ZNF695: variants seen among roughly 807,000 people sequenced by gnomAD.
The protein encoded by ZNF695 is zinc finger protein 695.
Under a neutral mutation model 11.2 loss-of-function variants are expected in ZNF695, and 11 were observed. The observed-to-expected ratio is 0.98, with a 90% CI of 0.62 to 1.62. ZNF695 has a LOEUF of 1.62. Ranked by LOEUF, ZNF695 falls within the 40% of genes most tolerant of loss-of-function variation. The pLI, the probability that ZNF695 is intolerant of heterozygous loss-of-function variation, is 0.00. For missense variants in ZNF695, 559 were observed against 590.5 expected, an observed-to-expected ratio of 0.95 and a Z score of 0.55; for synonymous variants, 190 against 201.4, an observed-to-expected ratio of 0.94 and a Z score of 0.48.
chr1:247,007,979 A>G lies in ZNF695; in HGVS notation c.-71T>C. On this transcript the variant is annotated 5_prime_UTR_variant, in exon 1 of 4. Transcript: ENST00000339986. Reference sequence around the variant, plus strand: ...ATACCTGCAGGCCACAGGGCGATGGAGCCTGCGGCAGTCACCCGGGACTCT... The same window carrying G: ...ATACCTGCAGGCCACAGGGCGATGGGGCCTGCGGCAGTCACCCGGGACTCT... 1 of 1,417,692 alleles carries G rather than the reference A, an allele frequency of 7.1e-7. No homozygotes were observed. Among genetic ancestry groups the G allele is most frequent in the South Asian group, 1.6e-5 (1 of 61,440 alleles). The allele number at this position is 1,417,692 out of a possible 1,614,324, so 87.8% of individuals were successfully genotyped here. A position where few individuals can be genotyped will look rare whatever the true frequency, so the allele number is the denominator to read the frequency against.
chr1:246,987,352 G>A lies in ZNF695; in HGVS notation c.1163C>T (p.Ala388Val), dbSNP rs1165915424. 2 of 1,613,854 alleles carry A rather than the reference G, an allele frequency of 1.2e-6. No homozygotes were observed. The highest frequency in any genetic ancestry group is 1.1e-5 in the South Asian group (1 of 91,044). Residue 388 changes from alanine to valine, a missense_variant, in exon 4 of 4, where the codon GCT (alanine) becomes GTT (valine). Coordinates refer to ENST00000339986, the MANE Select transcript of ZNF695 (RefSeq NM_020394.5). ...AATAAGGTATGAGAACCAGGTAAAA[G>A]CTTTGCCACATTCCTCACATTTGTA... Reference protein sequence around the residue: ...KPYKCEECGKAFTWFSYLIQH... With the variant: ...KPYKCEECGKVFTWFSYLIQH...
chr1:246,952,501 T>G (rs1667891361), intron 5 of ZNF695, among the ~76,000 whole-genome samples: 1 of 152,048 alleles, frequency 6.6e-6, no homozygotes, highest in Non-Finnish European at 1.5e-5. Flanking sequence ...TCAATGAATA[T>G]TTGTTGAATG....
chr1:246,983,818 AAAACAAAC>A (rs545442322), downstream of ZNF695, among the ~76,000 whole-genome samples: 2 of 150,328 alleles, frequency 1.3e-5, no homozygotes, highest in Non-Finnish European at 3.0e-5. Flanking sequence ...ACTCAGTCTC[AAAACAAAC>A]AAACAAACAA....
intron 5 of ZNF695, among the ~76,000 whole-genome samples, chr1:246,965,880 T>C (rs1477778093): frequency 6.6e-6 from 1 of 151,958 alleles, no homozygotes; most frequent in Non-Finnish European, 1.5e-5. Context: ...TTTTTGTTTA[T>C]ATACCTTGTT....
chr1:246,996,309 C>T (rs1467319399), intron 3 of ZNF695: 3 of 239,362 alleles, frequency 1.3e-5, no homozygotes, highest in East Asian at 1.6e-4. Flanking sequence ...GAGCTGAAGT[C>T]GGGCCATGCA....
intron 4 of ZNF695, among the ~76,000 whole-genome samples, chr1:246,980,178 T>TTA (rs1668670279): frequency 1.1e-5 from 1 of 88,758 alleles, no homozygotes; most frequent in African/African-American, 4.8e-5. Context: ...ACTCTGTATT[T>TTA]AAAAAAAAAA....
intron 3 of ZNF695, among the ~76,000 whole-genome samples, chr1:246,998,261 A>G (rs2103030370): frequency 6.6e-6 from 1 of 152,362 alleles, no homozygotes; most frequent in Middle Eastern, 3.4e-3. Flanking sequence ...AAATTATAAA[A>G]TGACAATTAT....
chr1:246,964,191 G>T (rs1668232175), intron 5 of ZNF695, among the ~76,000 whole-genome samples: 1 of 152,068 alleles, frequency 6.6e-6, no homozygotes, highest in African/African-American at 2.4e-5. Context: ...CCACAGTTCA[G>T]GGATTTTCAT....
At chr1:246,992,740 G>A (rs1669078540) in intron 3 of ZNF695, among the ~76,000 whole-genome samples, 1 of 152,004 alleles carries the variant, frequency 6.6e-6, no homozygotes, top group Non-Finnish European at 1.5e-5. Context: ...ATCAATGAAG[G>A]GTTTGCAGGT....
At chr1:247,007,842 C>G in intron 1 of ZNF695, 64 bp downstream of exon 1, 1 of 1,492,900 alleles carries the variant, frequency 6.7e-7, no homozygotes, top group South Asian at 1.3e-5. Context: ...CTGGTTCCAG[C>G]CAATTCCAAC....
intron 5 of ZNF695, among the ~76,000 whole-genome samples, chr1:246,965,775 A>G (rs1486191380): frequency 1.3e-5 from 2 of 151,990 alleles, no homozygotes; most frequent in Non-Finnish European, 2.9e-5. Flanking sequence ...AAAGAAAAAA[A>G]ATTCTGCAGA....
intron 5 of ZNF695, among the ~76,000 whole-genome samples, chr1:246,963,828 T>C (rs1268971793): frequency 6.6e-6 from 1 of 152,138 alleles, no homozygotes; most frequent in Non-Finnish European, 1.5e-5. Context: ...TAGAGTCAGA[T>C]TGCACAGCTT....
intron 4 of ZNF695, among the ~76,000 whole-genome samples, chr1:246,969,950 T>C (rs565933031): frequency 5.3e-5 from 8 of 152,168 alleles, no homozygotes; most frequent in Non-Finnish European, 7.4e-5. Context: ...TCCTCCAACA[T>C]TGGGGATTAC....
chr1:246,982,270 CAAAAAAAA>C (rs11397736), downstream of ZNF695, among the ~76,000 whole-genome samples: 5 of 111,236 alleles, frequency 4.5e-5, no homozygotes, highest in Admixed American at 3.8e-4. Context: ...AACTTAGTCT[CAAAAAAAA>C]AAAAAAAAAA....
At chr1:246,997,454 G>T (rs1669245052) in intron 3 of ZNF695, among the ~76,000 whole-genome samples, 1 of 151,374 alleles carries the variant, frequency 6.6e-6, no homozygotes, top group Non-Finnish European at 1.5e-5. Flanking sequence ...AGTGAGCTGA[G>T]ATCACGCCAC....
intron 4 of ZNF695, among the ~76,000 whole-genome samples, chr1:246,976,715 A>T (rs1572518212): frequency 6.6e-6 from 1 of 152,166 alleles, no homozygotes; most frequent in East Asian, 1.9e-4. Flanking sequence ...AATGGCATGA[A>T]CCCGGGAGGC....
chr1:246,983,701 G>A (rs1476153272), downstream of ZNF695, among the ~76,000 whole-genome samples: 9 of 151,848 alleles, frequency 5.9e-5, no homozygotes, highest in Non-Finnish European at 8.8e-5. Flanking sequence ...GCCTGTAATC[G>A]CAGCTACTTG....
intron 1 of ZNF695, among the ~76,000 whole-genome samples, chr1:247,005,357 T>C (rs1310259937): frequency 6.6e-6 from 1 of 152,050 alleles, no homozygotes; most frequent in Non-Finnish European, 1.5e-5. Context: ...TCTCAATAAG[T>C]TGTGCTGGGA....
In ZNF695 at chr1:246,986,220, C is replaced by G; in HGVS notation, c.*747G>C. On this transcript the variant is annotated 3_prime_UTR_variant, in exon 4 of 4. Coordinates refer to ENST00000339986, the MANE Select transcript of ZNF695 (RefSeq NM_020394.5). ...AGTAGCTGGGACAACAGGCATGTGCCACCAAGCCTGGCTTTTATTTTACTT... is the reference window on the plus strand; with the variant it reads ...AGTAGCTGGGACAACAGGCATGTGCGACCAAGCCTGGCTTTTATTTTACTT... 2.0e-6 allele frequency: 1 copy of G among 493,002 alleles called. No individual in the cohort carries two copies. Among genetic ancestry groups the G allele is most frequent in the Non-Finnish European group, 2.6e-6 (1 of 380,194 alleles). 30.5% of individuals were successfully genotyped at this position (493,002 alleles called of 1,614,324 possible). A position where few individuals can be genotyped will look rare whatever the true frequency, so the allele number is the denominator to read the frequency against.
Sources: gnomAD v4.1 joint callset for allele counts (sites outside exome capture counted in the v4.1 genomes callset) on GRCh38, gnomAD v4.1.1 for gene constraint, MANE v1.5 for transcripts, NCBI Gene and HGNC (gene_info 2026-07-23, HGNC 2026-07-21) for gene names.